TM4SF18: variants seen among roughly 807,000 people sequenced by gnomAD.
TM4SF18 encodes transmembrane 4 L six family member 18.
TM4SF18 carries 22 observed loss-of-function variants against 23.8 expected under a neutral mutation model. The ratio of observed to expected loss-of-function variants is 0.92; its 90% CI spans 0.66 to 1.32. The LOEUF is 1.32. Among genes scored for constraint, TM4SF18 ranks in the 40% most tolerant of loss-of-function variants. The pLI, the probability that TM4SF18 is intolerant of heterozygous loss-of-function variation, is 0.00. For synonymous variants in TM4SF18, 87 were observed against 87.9 expected, an observed-to-expected ratio of 0.99 and a Z score of 0.06; for missense variants, 255 against 240.3, an observed-to-expected ratio of 1.06 and a Z score of -0.41.
chr3:149,323,791 A>G (rs1398364669), intron 4 of TM4SF18, among the ~76,000 whole-genome samples: 1 of 152,208 alleles, frequency 6.6e-6, no homozygotes, highest in Non-Finnish European at 1.5e-5. Flanking sequence ...GAAGACAACC[A>G]TAAGGTCTGA....
chr3:149,323,767 T>G (rs1159594515), intron 4 of TM4SF18, among the ~76,000 whole-genome samples: 1 of 152,112 alleles, frequency 6.6e-6, no homozygotes, highest in Non-Finnish European at 1.5e-5. Context: ...AACAGAGATT[T>G]TTAGGGAACA....
chr3:149,325,149 C>A, intron 3 of TM4SF18, 127 bp from the exon 4 acceptor site: 1 of 749,526 alleles, frequency 1.3e-6, no homozygotes, highest in South Asian at 3.5e-5. Context: ...ACTAAATGCC[C>A]ACATAGAAAT....
intron 5 of TM4SF18, among the ~76,000 whole-genome samples, 185 bp from the exon 6 acceptor site, chr3:149,321,677 T>C (rs1452691080): frequency 6.6e-6 from 1 of 152,218 alleles, no homozygotes; most frequent in Non-Finnish European, 1.5e-5. Flanking sequence ...ATACAAGCCA[T>C]CTAAATTCAT....
At chr3:149,322,905 C>CTTTTTTT (rs34338382) in intron 4 of TM4SF18, among the ~76,000 whole-genome samples, 4 of 128,768 alleles carry the variant, frequency 3.1e-5, no homozygotes, top group Admixed American at 7.8e-5. Flanking sequence ...GGCCTCCAGA[C>CTTTTTTT]TTTTTTTTTT....
In TM4SF18 at chr3:149,333,592, G is replaced by GTGTGAAATACTGGTTTAC. The variant is rs1181506139; in HGVS notation, c.-115_-98dup. 42 of 421,520 alleles carry GTGTGAAATACTGGTTTAC rather than the reference G, an allele frequency of 1.0e-4. No individual in the cohort carries two copies. The highest frequency in any genetic ancestry group is 1.7e-4 in the South Asian group (2 of 11,776). The allele number at this position is 421,520 out of a possible 1,614,324, so 26.1% of individuals were successfully genotyped here. A position where few individuals can be genotyped will look rare whatever the true frequency, so the allele number is the denominator to read the frequency against. ...AATATACCCGCAGCCGACAATCTCA[G>GTGTGAAATACTGGTTTAC]TGTGAAATACTGGTTTACTGTTTGG... On this transcript the variant is annotated 5_prime_UTR_variant, in exon 1 of 6. Transcript: ENST00000296059.
At position 149,318,863 on chromosome 3, in the gene TM4SF18, T is replaced by G. The variant is rs1253478720; in HGVS notation, c.*2615A>C. 6.6e-6 allele frequency: 1 copy of G among 152,248 alleles called. No homozygotes were observed. Among genetic ancestry groups the G allele is most frequent in the Non-Finnish European group, 1.5e-5 (1 of 68,040 alleles). 9.4% of individuals were successfully genotyped at this position (152,248 alleles called of 1,614,324 possible). A position where few individuals can be genotyped will look rare whatever the true frequency, so the allele number is the denominator to read the frequency against. On this transcript the variant is annotated 3_prime_UTR_variant, in exon 6 of 6. Coordinates refer to ENST00000296059, the MANE Select transcript of TM4SF18 (RefSeq NM_138786.4). Reference sequence around the variant, plus strand: ...TTATATGGTTACTTAATTAAAAATTTGGGCTCAAACTGCATACATATATTT... The same window carrying G: ...TTATATGGTTACTTAATTAAAAATTGGGGCTCAAACTGCATACATATATTT...
Position 149,318,942 on chromosome 3 carries a change from ATATTCAGCTTTTTTTG to A in TM4SF18, c.*2520_*2535del, listed in dbSNP as rs1730737807. The A allele has an allele frequency of 6.6e-6, 1 of 152,214 alleles. No individual in the cohort carries two copies. Among genetic ancestry groups the A allele is most frequent in the Non-Finnish European group, 1.5e-5 (1 of 68,034 alleles). 9.4% of individuals were successfully genotyped at this position (152,214 alleles called of 1,614,324 possible). A position where few individuals can be genotyped will look rare whatever the true frequency, so the allele number is the denominator to read the frequency against. ...TTGAATTCACGAGGATATAAAACAC[ATATTCAGCTTTTTTTG>A]TATTCAGCTTTTTTTTACTTAAAAT... On this transcript the variant is annotated 3_prime_UTR_variant, in exon 6 of 6. Coordinates refer to ENST00000296059, the MANE Select transcript of TM4SF18 (RefSeq NM_138786.4).
chr3:149,326,071 T>C (rs747423269), intron 3 of TM4SF18, among the ~76,000 whole-genome samples: 1 of 152,172 alleles, frequency 6.6e-6, no homozygotes, highest in East Asian at 1.9e-4. Flanking sequence ...ATTATGATAT[T>C]TCACCCCTAA....
At chr3:149,323,199 TC>T (rs1237653214) in intron 4 of TM4SF18, among the ~76,000 whole-genome samples, 2 of 152,102 alleles carry the variant, frequency 1.3e-5, no homozygotes, top group Non-Finnish European at 2.9e-5. Flanking sequence ...CGCCTGGCCC[TC>T]CAGACTCTTA....
rs1235795124 is a variant in TM4SF18, at chr3:149,333,274, AG to A, written c.108del (p.Tyr37MetfsTer23). ...ILLYFPNGQT[S>X]YASSNKLTNY... Reference sequence around the variant, plus strand: ...TTGGTGAGTTTATTGCTGGATGCATAGGAAGTTTGCCCATTCGGGAAATACA... The same window carrying A: ...TTGGTGAGTTTATTGCTGGATGCATAGAAGTTTGCCCATTCGGGAAATACA... On this transcript the variant is annotated frameshift_variant, in exon 2 of 6. Coordinates refer to ENST00000296059, the MANE Select transcript of TM4SF18 (RefSeq NM_138786.4). LOFTEE classifies it high-confidence loss of function. 8.7e-6 allele frequency: 14 copies of A among 1,614,010 alleles called. No individual in the cohort carries two copies. Among genetic ancestry groups the A allele is most frequent in the Non-Finnish European group, 1.2e-5 (14 of 1,179,952 alleles).
At chr3:149,330,706 A>G (rs992421954) in intron 2 of TM4SF18, among the ~76,000 whole-genome samples, 1 of 152,202 alleles carries the variant, frequency 6.6e-6, no homozygotes, top group African/African-American at 2.4e-5. Flanking sequence ...ATCAAAAGCT[A>G]ATGATTAAGG....
chr3:149,322,609 G>A lies in TM4SF18; in HGVS notation c.411-173C>T, dbSNP rs191142088. Reference sequence around the variant, plus strand: ...TTGGACATATCTTATGCATAGCACTGAGCTAGATACTTAGTGTGTTATAAA... The same window carrying A: ...TTGGACATATCTTATGCATAGCACTAAGCTAGATACTTAGTGTGTTATAAA... On this transcript the variant is annotated intron_variant, in intron 4 of 5. Coordinates refer to ENST00000296059, the MANE Select transcript of TM4SF18 (RefSeq NM_138786.4). Among the ~76,000 whole-genome samples, 6 of 152,270 alleles carry A rather than the reference G, an allele frequency of 3.9e-5. No individual in the cohort carries two copies. In the East Asian group the frequency reaches 1.2e-3, roughly 29 times the overall value.
chr3:149,324,755 G>A (rs1730894822), intron 4 of TM4SF18, 125 bp downstream of exon 4: 6 of 1,234,788 alleles, frequency 4.9e-6, no homozygotes, highest in Non-Finnish European at 6.8e-6. Context: ...AACTAACAGG[G>A]AAATTCTGCA....
At chr3:149,326,966 T>G (rs1347937436) in intron 3 of TM4SF18, among the ~76,000 whole-genome samples, 1 of 151,500 alleles carries the variant, frequency 6.6e-6, no homozygotes, top group Non-Finnish European at 1.5e-5. Context: ...TGTTGTTGTT[T>G]TTGAGTTGTA....
At chr3:149,322,905 C>CTTT (rs34338382) in intron 4 of TM4SF18, among the ~76,000 whole-genome samples, 2 of 128,768 alleles carry the variant, frequency 1.6e-5, no homozygotes, top group African/African-American at 5.6e-5. Context: ...GGCCTCCAGA[C>CTTT]TTTTTTTTTT....
chr3:149,326,926 GA>G (rs1319463738), intron 3 of TM4SF18, among the ~76,000 whole-genome samples: 1 of 152,126 alleles, frequency 6.6e-6, no homozygotes, highest in African/African-American at 2.4e-5. Flanking sequence ...AGACCTGGAA[GA>G]AGCTGGGGTT....
Position 149,324,887 on chromosome 3 carries a change from C to T in TM4SF18, c.403G>A (p.Ala135Thr), listed in dbSNP as rs1410724594. The T allele has an allele frequency of 6.2e-7, 1 of 1,614,152 alleles. No individual in the cohort carries two copies. The highest frequency in any genetic ancestry group is 2.2e-5 in the East Asian group (1 of 44,876). The change falls in exon 4 of 6, where the codon GCT becomes ACT. Residue 135 changes from alanine (A) to threonine (T), a missense_variant. Physicochemically the swap from Ala to Thr is moderately conservative, Grantham distance 58 (BLOSUM62 0). Transcript: ENST00000296059. Reference protein sequence around the residue: ...DGWEYAFEGTAGRFLTDSSIW... With the variant: ...DGWEYAFEGTTGRFLTDSSIW... ...TGGGGAATTATTCCTTACCGTCCAG[C>T]AGTGCCTTCAAAAGCATACTCCCAG...
intron 4 of TM4SF18, 152 bp from the exon 5 acceptor site, chr3:149,322,588 A>T (rs1278173539): frequency 1.5e-6 from 1 of 662,012 alleles, no homozygotes; most frequent in Non-Finnish European, 2.5e-6. Context: ...CACATATTGG[A>T]CATATCTTAT....
At position 149,333,564 on chromosome 3, in the gene TM4SF18, T is replaced by A; in HGVS notation, c.-69A>T. The A allele has an allele frequency of 2.2e-6, 1 of 449,164 alleles. No homozygotes were observed. Among genetic ancestry groups the A allele is most frequent in the East Asian group, 3.3e-5 (1 of 30,592 alleles). 27.8% of individuals were successfully genotyped at this position (449,164 alleles called of 1,614,324 possible). On this transcript the variant is annotated 5_prime_UTR_variant, in exon 1 of 6. Transcript: ENST00000296059. ...TCATATTCATGAGGAGACGGGGAAT[T>A]GGAATATACCCGCAGCCGACAATCT...
Sources: gnomAD v4.1 joint callset for allele counts (sites outside exome capture counted in the v4.1 genomes callset) on GRCh38, gnomAD v4.1.1 for gene constraint, MANE v1.5 for transcripts, NCBI Gene and HGNC (gene_info 2026-07-23, HGNC 2026-07-21) for gene names.